The following GABRR2 variants were observed in gnomAD, a reference collection of about 807,000 sequenced individuals.
The protein encoded by GABRR2 is gamma-aminobutyric acid type A receptor subunit rho2, also known as gamma-aminobutyric acid receptor subunit rho-2.
Under a neutral mutation model 47.0 loss-of-function variants are expected in GABRR2, and 36 were observed. That is an observed-to-expected ratio of 0.77 (90% CI 0.59 to 1.01). The LOEUF is 1.01. GABRR2 is among the 50% of genes least tolerant of loss of function. GABRR2 has a pLI of 0.00. For synonymous variants in GABRR2, 204 were observed against 227.5 expected, an observed-to-expected ratio of 0.90 and a Z score of 0.93; for missense variants, 587 against 594.6, an observed-to-expected ratio of 0.99 and a Z score of 0.13.
At chr6:89,268,177 C>T (rs1773952365) in intron 4 of GABRR2, 81 bp from the exon 5 acceptor site, 3 of 996,876 alleles carry the variant, frequency 3.0e-6, no homozygotes, top group East Asian at 2.6e-5. Flanking sequence ...AGGCACAGCA[C>T]ACAACTGAGT....
chr6:89,290,790 G>T, intron 2 of GABRR2, among the ~76,000 whole-genome samples: 1 of 152,214 alleles, frequency 6.6e-6, no homozygotes, highest in East Asian at 1.9e-4. Flanking sequence ...TCTTGGCCCA[G>T]CTACGGGCTG....
At chr6:89,268,894 T>A in intron 4 of GABRR2, 117 bp downstream of exon 4, 2 of 814,412 alleles carry the variant, frequency 2.5e-6, no homozygotes, top group Non-Finnish European at 2.0e-6. Context: ...ATCAGAAGGC[T>A]CCTCCCATCC....
Position 89,267,750 on chromosome 6 carries a change from T to A in GABRR2, c.665A>T (p.Lys222Met), listed in dbSNP as rs746445582. The change falls in exon 6 of 9, where the codon AAG (lysine) becomes ATG (methionine). Residue 222 changes from lysine (K) to methionine (M), a missense_variant. Physicochemically the swap from Lys to Met is moderately conservative, Grantham distance 95. Coordinates refer to ENST00000402938, the MANE Select transcript of GABRR2 (RefSeq NM_002043.5). The stretch of plus-strand genomic sequence containing the variant: ...AATCAGAAACTGAGACAAGGAGATC[T>A]TCTCATCTGTTTTTAGGGATTCATC... ...NGDESLKTDE[K>M]ISLSQFLIQK... The A allele has an allele frequency of 3.1e-6, 5 of 1,613,920 alleles. No individual in the cohort carries two copies. The South Asian group carries it at 5.5e-5, about 18-fold the overall frequency.
chr6:89,257,285 C>A lies in GABRR2; in HGVS notation c.*385G>T, dbSNP rs959938172. On this transcript the variant is annotated 3_prime_UTR_variant, in exon 9 of 9. Coordinates refer to ENST00000402938, the MANE Select transcript of GABRR2 (RefSeq NM_002043.5). ...AATTTCCTATCTCCTATCCAGAATG[C>A]CCCTAAGCTTGTACTTCAGTTTTTC... 1.0e-5 allele frequency: 2 copies of A among 194,748 alleles called. No homozygotes were observed. Among genetic ancestry groups the A allele is most frequent in the African/African-American group, 4.7e-5 (2 of 42,522 alleles). 12.1% of individuals were successfully genotyped at this position (194,748 alleles called of 1,614,324 possible).
intron 1 of GABRR2, chr6:89,301,892 TG>T: frequency 2.6e-6 from 3 of 1,138,460 alleles, no homozygotes; most frequent in Non-Finnish European, 4.0e-6. Context: ...GGCAACTACG[TG>T]GGGAACTCGG....
At chr6:89,288,251 C>G (rs776229053) in intron 2 of GABRR2, among the ~76,000 whole-genome samples, 5 of 150,490 alleles carry the variant, frequency 3.3e-5, no homozygotes, top group Non-Finnish European at 7.4e-5. Flanking sequence ...TGGGGAAAAG[C>G]ATCTGGGGTG....
rs770316103 is a variant in GABRR2 at position 89,315,063 on chromosome 6, G to A, written c.103C>T (p.Pro35Ser). The A allele has an allele frequency of 6.2e-6, 10 of 1,613,104 alleles. No individual in the cohort carries two copies. In the South Asian group the frequency reaches 7.7e-5, roughly 12 times the overall value. The change falls in exon 1 of 9, where the codon CCC (proline) becomes TCC (serine). Residue 35 changes from proline (P) to serine (S), a missense_variant. Transcript: ENST00000402938. ...RKRWTGQVEM[P>S]KPSHLYKKNL... ...CACCTATGACTTTACCTTGGCTTGGGCATTTCCACCTGCCCTGTCCATCGC... is the reference window on the plus strand; with the variant it reads ...CACCTATGACTTTACCTTGGCTTGGACATTTCCACCTGCCCTGTCCATCGC...
At chr6:89,272,619 G>A (rs1245244129) in intron 2 of GABRR2, among the ~76,000 whole-genome samples, 1 of 152,144 alleles carries the variant, frequency 6.6e-6, no homozygotes, top group Non-Finnish European at 1.5e-5. Flanking sequence ...CTGCAAGTCA[G>A]GTGCAGCTGG....
At chr6:89,311,603 GGAA>G (rs1767682881) in intron 1 of GABRR2, among the ~76,000 whole-genome samples, 1 of 152,174 alleles carries the variant, frequency 6.6e-6, no homozygotes, top group African/African-American at 2.4e-5. Context: ...GAGGGGTGAG[GGAA>G]GAAGAAAAAT....
intron 1 of GABRR2, among the ~76,000 whole-genome samples, chr6:89,311,884 G>A (rs1767688488): frequency 6.6e-6 from 1 of 152,226 alleles, no homozygotes; most frequent in South Asian, 2.1e-4. Context: ...ACCAAGGTCT[G>A]AACCTGATTT....
chr6:89,303,869 C>A (rs1309179641), intron 1 of GABRR2, among the ~76,000 whole-genome samples: 4 of 152,136 alleles, frequency 2.6e-5, no homozygotes, highest in African/African-American at 9.7e-5. Flanking sequence ...ACTCTTCATT[C>A]AATACATGGT....
At chr6:89,309,247 T>C (rs1767633621) in intron 1 of GABRR2, among the ~76,000 whole-genome samples, 1 of 152,112 alleles carries the variant, frequency 6.6e-6, no homozygotes, top group South Asian at 2.1e-4. Flanking sequence ...CCTTCCACAT[T>C]GTCCTGCCCT....
chr6:89,292,734 T>C (rs796439328), intron 2 of GABRR2, among the ~76,000 whole-genome samples: 21 of 127,838 alleles, frequency 1.6e-4, no homozygotes, highest in Admixed American at 1.1e-3. Flanking sequence ...ATCGTATATA[T>C]CATATATAAT....
intron 1 of GABRR2, chr6:89,302,360 C>T (rs1243545588): frequency 3.5e-6 from 2 of 565,916 alleles, no homozygotes; most frequent in Non-Finnish European, 7.1e-6. Flanking sequence ...GTGGAGAATA[C>T]AGATGAGACC....
chr6:89,297,362 G>A (rs1774573854), intron 2 of GABRR2, among the ~76,000 whole-genome samples: 1 of 152,176 alleles, frequency 6.6e-6, no homozygotes, highest in Non-Finnish European at 1.5e-5. Flanking sequence ...TAGGAGACAA[G>A]AAAGGGACCC....
intron 2 of GABRR2, among the ~76,000 whole-genome samples, chr6:89,285,415 A>G (rs1201853035): frequency 6.6e-6 from 1 of 151,702 alleles, no homozygotes; most frequent in Non-Finnish European, 1.5e-5. Flanking sequence ...AATAGGCCTG[A>G]TTTTTCTCAT....
rs1216007255 is a variant in GABRR2 at position 89,271,185 on chromosome 6, T to C, written c.288+470A>G. On this transcript the variant is annotated intron_variant, in intron 3 of 8. Transcript: ENST00000402938. The stretch of plus-strand genomic sequence containing the variant: ...GGGTGGGGGGCACACCTCTCCACTG[T>C]GAGCCTTGCAGGACACCCAGGCCTG... Among the ~76,000 whole-genome samples the C allele has an allele frequency of 2.0e-5, 3 of 152,114 alleles. No homozygotes were observed. The East Asian group carries it at 5.8e-4, about 29-fold the overall frequency.
chr6:89,275,486 C>T (rs1774142742), intron 2 of GABRR2, among the ~76,000 whole-genome samples: 1 of 152,100 alleles, frequency 6.6e-6, no homozygotes, highest in African/African-American at 2.4e-5. Flanking sequence ...CTTGGCCAGG[C>T]TGGTCTGAAA....
chr6:89,301,036 AT>A (rs1172501811), intron 1 of GABRR2, among the ~76,000 whole-genome samples: 10 of 152,192 alleles, frequency 6.6e-5, no homozygotes, highest in Non-Finnish European at 5.9e-5. Flanking sequence ...CAAAAAGTGA[AT>A]CCACCACAAT....
Sources: gnomAD v4.1 joint callset for allele counts (sites outside exome capture counted in the v4.1 genomes callset) on GRCh38, gnomAD v4.1.1 for gene constraint, MANE v1.5 for transcripts, NCBI Gene and HGNC (gene_info 2026-07-23, HGNC 2026-07-21) for gene names.